The following ELMO1 variants were observed in gnomAD, a reference collection of about 807,000 sequenced individuals.
ELMO1 encodes the protein engulfment and cell motility 1.
Under a neutral mutation model 98.9 loss-of-function variants are expected in ELMO1, and 26 were observed. The observed-to-expected ratio is 0.26, with a 90% CI of 0.19 to 0.36. The LOEUF is 0.36. ELMO1 is among the 10% of genes least tolerant of loss of function. ELMO1 has a pLI of 1.00. For synonymous variants in ELMO1, 346 were observed against 346.0 expected (o/e 1.00, Z 0.00); for missense variants, 627 against 935.2 (o/e 0.67, Z 4.30).
At chr7:37,011,342 TG>T (rs1479923190) in intron 16 of ELMO1, among the ~76,000 whole-genome samples, 1 of 152,154 alleles carries the variant, frequency 6.6e-6, no homozygotes, top group Non-Finnish European at 1.5e-5. Flanking sequence ...CTCCACCAGC[TG>T]TGCCCACCTC....
Position 36,855,451 on chromosome 7 carries a change from T to C in ELMO1, c.*100A>G. ...GGGAATGTGGACCCACAGCTTCCCTTTACCAAAGGACGGTTCCAAGGCGTG... is the reference window on the plus strand; with the variant it reads ...GGGAATGTGGACCCACAGCTTCCCTCTACCAAAGGACGGTTCCAAGGCGTG... On this transcript the variant is annotated 3_prime_UTR_variant, in exon 22 of 22. Coordinates refer to ENST00000310758, the MANE Select transcript of ELMO1 (RefSeq NM_014800.11). The surrounding 1 kb of genome is among the most constrained non-coding windows in gnomAD (Gnocchi z 4.2). The C allele has an allele frequency of 6.8e-7, 1 of 1,481,364 alleles. No homozygotes were observed. Among genetic ancestry groups the C allele is most frequent in the Non-Finnish European group, 9.3e-7 (1 of 1,073,674 alleles). The allele number at this position is 1,481,364 out of a possible 1,614,324, so 91.8% of individuals were successfully genotyped here. A position where few individuals can be genotyped will look rare whatever the true frequency, so the allele number is the denominator to read the frequency against.
chr7:37,323,113 A>T (rs1799608479), intron 2 of ELMO1, among the ~76,000 whole-genome samples: 1 of 152,184 alleles, frequency 6.6e-6, no homozygotes. Context: ...CTTGCAGCAT[A>T]TCAAAGTCTT....
chr7:37,243,505 C>T (rs1794854234), intron 7 of ELMO1, among the ~76,000 whole-genome samples: 1 of 152,022 alleles, frequency 6.6e-6, no homozygotes, highest in Non-Finnish European at 1.5e-5. Flanking sequence ...GAAGCTTTAC[C>T]CTAGAAGCTC....
At chr7:37,125,990 C>T (rs1363289940) in intron 14 of ELMO1, among the ~76,000 whole-genome samples, 2 of 152,122 alleles carry the variant, frequency 1.3e-5, no homozygotes. Context: ...AGGTCATGTC[C>T]TTTGTAAGGA....
chr7:37,235,853 G>T (rs1307060029), intron 7 of ELMO1, among the ~76,000 whole-genome samples: 1 of 152,232 alleles, frequency 6.6e-6, no homozygotes, highest in Admixed American at 6.5e-5. Context: ...CCAGGAGGTG[G>T]AGGCTGCAGT....
chr7:37,152,580 T>C (rs1163107403), intron 13 of ELMO1, among the ~76,000 whole-genome samples: 3 of 152,212 alleles, frequency 2.0e-5, no homozygotes, highest in Non-Finnish European at 4.4e-5. Flanking sequence ...GATGAGTGTG[T>C]ACGTGCATGT....
At chr7:36,924,095 A>G (rs1340857261) in intron 16 of ELMO1, among the ~76,000 whole-genome samples, 1 of 152,250 alleles carries the variant, frequency 6.6e-6, no homozygotes, top group Non-Finnish European at 1.5e-5. Context: ...ACTGTGTATT[A>G]GAACAACTGC....
At chr7:37,386,343 T>C (rs1010208406) in intron 1 of ELMO1, among the ~76,000 whole-genome samples, 2 of 151,614 alleles carry the variant, frequency 1.3e-5, no homozygotes, top group Non-Finnish European at 2.9e-5. Flanking sequence ...GATTCCTGCC[T>C]AGGGAGACCA....
intron 15 of ELMO1, among the ~76,000 whole-genome samples, chr7:37,092,971 C>T (rs73121141): frequency 0.11 from 16,250 of 148,926 alleles, 952 homozygotes; most frequent in Middle Eastern, 0.29. Context: ...AACTCAGATA[C>T]GCAGTAGGTG....
At chr7:37,180,142 A>G (rs1790753698) in intron 13 of ELMO1, among the ~76,000 whole-genome samples, 1 of 152,182 alleles carries the variant, frequency 6.6e-6, no homozygotes, top group Admixed American at 6.5e-5. Flanking sequence ...CCATTCTATG[A>G]TGCCCGAAAC....
chr7:37,154,919 T>A (rs1329078705), intron 13 of ELMO1, among the ~76,000 whole-genome samples: 1 of 152,036 alleles, frequency 6.6e-6, no homozygotes, highest in East Asian at 1.9e-4. Context: ...GAGAGAAAGG[T>A]CAAGTTACCC....
intron 13 of ELMO1, among the ~76,000 whole-genome samples, chr7:37,146,421 T>G (rs941746738): frequency 6.6e-6 from 1 of 152,346 alleles, no homozygotes; most frequent in Admixed American, 6.5e-5. Context: ...CAGCAGCCCA[T>G]GGAGCTGGTG....
chr7:36,925,030 C>T (rs1785433255), intron 16 of ELMO1, among the ~76,000 whole-genome samples: 1 of 152,064 alleles, frequency 6.6e-6, no homozygotes, highest in Non-Finnish European at 1.5e-5. Flanking sequence ...GCATCTAGTG[C>T]GCAGAGGCCA....
intron 15 of ELMO1, 185 bp from the exon 16 acceptor site, chr7:37,013,620 GC>G: frequency 1.6e-6 from 1 of 642,694 alleles, no homozygotes; most frequent in Non-Finnish European, 2.6e-6. Flanking sequence ...GAAGTTTAAG[GC>G]CAGATAGTCA....
chr7:37,210,579 T>TTA (rs960825789), intron 13 of ELMO1, among the ~76,000 whole-genome samples: 8 of 151,126 alleles, frequency 5.3e-5, no homozygotes, highest in African/African-American at 1.7e-4. Context: ...TATATACACC[T>TTA]TATATATATA....
chr7:36,859,535 T>C (rs1802452041), intron 21 of ELMO1, among the ~76,000 whole-genome samples: 1 of 152,186 alleles, frequency 6.6e-6, no homozygotes, highest in Non-Finnish European at 1.5e-5. Context: ...GTGTCTGCTC[T>C]TTCTCTTCCT....
chr7:37,196,273 G>A (rs1791958593), intron 13 of ELMO1, among the ~76,000 whole-genome samples: 1 of 152,196 alleles, frequency 6.6e-6, no homozygotes, highest in South Asian at 2.1e-4. Context: ...AGGTGGGGGA[G>A]GACTGGCGTC....
At chr7:37,176,858 A>G (rs1300670216) in intron 13 of ELMO1, among the ~76,000 whole-genome samples, 1 of 152,262 alleles carries the variant, frequency 6.6e-6, no homozygotes, top group African/African-American at 2.4e-5. Context: ...AGGAAAACAC[A>G]GTTATAGCTT....
At chr7:37,444,963 G>A (rs1732003) in intron 1 of ELMO1, among the ~76,000 whole-genome samples, 18,713 of 152,240 alleles carry the variant, frequency 0.12, 1,562 homozygotes, top group Non-Finnish European at 0.17. Context: ...CTAGAACGTC[G>A]TCATCAGAAT....
Sources: gnomAD v4.1 joint callset for allele counts (sites outside exome capture counted in the v4.1 genomes callset) on GRCh38, gnomAD v4.1.1 for gene constraint, Gnocchi (gnomAD v3.1) non-coding constraint, MANE v1.5 for transcripts, NCBI Gene and HGNC (gene_info 2026-07-23, HGNC 2026-07-21) for gene names.